Variants in SGSM3 observed in about 807,000 individuals in gnomAD.
The protein encoded by SGSM3 is RUN and SH3 containing 3.
SGSM3 carries 96 observed loss-of-function variants against 100.5 expected under a neutral mutation model. The ratio of observed to expected loss-of-function variants is 0.96; its 90% CI spans 0.81 to 1.13. SGSM3 has a LOEUF of 1.13. Ranked by LOEUF, SGSM3 falls within the 50% of genes most tolerant of loss-of-function variation. The pLI is 0.00. For missense variants in SGSM3, 1,001 were observed against 1,015.8 expected, an observed-to-expected ratio of 0.99 and a Z score of 0.20; for synonymous variants, 483 against 422.8, an observed-to-expected ratio of 1.14 and a Z score of -1.75.
chr22:40,400,909 A>G (rs1292301373), intron 2 of SGSM3, 96 bp downstream of exon 2: 1 of 1,217,938 alleles, frequency 8.2e-7, no homozygotes, highest in African/African-American at 1.6e-5. Flanking sequence ...AACACCATCC[A>G]GATAAGAGAG....
rs950293197 is a variant in SGSM3 at position 40,401,672 on chromosome 22, G to A, written c.87G>A (p.Thr29=). 9.9e-6 allele frequency: 16 copies of A among 1,611,858 alleles called. No homozygotes were observed. The highest frequency in any genetic ancestry group is 2.2e-5 in the South Asian group (2 of 91,050). The change falls in exon 3 of 22, where the codon ACG becomes ACA. Residue 29 remains threonine, a synonymous_variant. Transcript: ENST00000248929. ...CCCAGGAGATCTTGGCCAAGTACACGCAGGTATAGCAGTTAGCCAGGCACC... is the reference window on the plus strand; with the variant it reads ...CCCAGGAGATCTTGGCCAAGTACACACAGGTATAGCAGTTAGCCAGGCACC... ...IWPQEILAKY[T]QKEESAEQPE... is the part of the protein sequence containing the mutation.
At chr22:40,409,418 G>A in intron 20 of SGSM3, 46 bp downstream of exon 20, 1 of 1,570,554 alleles carries the variant, frequency 6.4e-7, no homozygotes, top group Non-Finnish European at 8.7e-7. Flanking sequence ...GGTGGGAAGG[G>A]CTAGCTGGGG....
In SGSM3 at chr22:40,404,383, C is replaced by T. The variant is rs767049313; in HGVS notation, c.294C>T (p.Ala98=). ...DVGDLTWDKI[A]VSLPRSEKLR... is the part of the protein sequence containing the mutation. ...GGGATCTCACCTGGGACAAGATTGC[C>T]GTCTCCCTACCCCGCTCTGAGAAGC... is the stretch of plus-strand genomic sequence containing the variant. Residue 98 remains alanine (A), a synonymous_variant, in exon 5 of 22, where the codon GCC becomes GCT. Transcript: ENST00000248929. 4.3e-5 allele frequency: 69 copies of T among 1,608,338 alleles called. No individual in the cohort carries two copies. Among genetic ancestry groups the T allele is most frequent in the Middle Eastern group, 1.7e-4 (1 of 6,058 alleles).
intron 18 of SGSM3, 40 bp from the exon 19 acceptor site, chr22:40,408,893 G>A: frequency 6.2e-7 from 1 of 1,613,946 alleles, no homozygotes; most frequent in African/African-American, 1.3e-5. Context: ...GGGTTAGCCT[G>A]TGGGGGAGCC....
At chr22:40,390,542 G>A (rs1373862372) in intron 1 of SGSM3, 1 of 152,180 alleles carries the variant, frequency 6.6e-6, no homozygotes, top group African/African-American at 2.4e-5. Flanking sequence ...TTGTATATAG[G>A]TCATTTTGCT....
Position 40,410,014 on chromosome 22 carries a change from C to T in SGSM3, c.*255C>T. ...AAACCTTGTGAGGAGGTGGGGGAGCCATGTCTGTGCTCAGGAAGAGGGAAG... is the reference window on the plus strand; with the variant it reads ...AAACCTTGTGAGGAGGTGGGGGAGCTATGTCTGTGCTCAGGAAGAGGGAAG... On this transcript the variant is annotated 3_prime_UTR_variant, in exon 22 of 22. Transcript: ENST00000248929. The T allele has an allele frequency of 7.5e-7, 1 of 1,329,260 alleles. No individual in the cohort carries two copies. The highest frequency in any genetic ancestry group is 2.2e-5 in the South Asian group (1 of 46,138). The allele number at this position is 1,329,260 out of a possible 1,614,324, so 82.3% of individuals were successfully genotyped here. A position where few individuals can be genotyped will look rare whatever the true frequency, so the allele number is the denominator to read the frequency against.
intron 1 of SGSM3, among the ~76,000 whole-genome samples, chr22:40,382,707 C>T (rs986705026): frequency 7.2e-5 from 11 of 152,178 alleles, no homozygotes; most frequent in East Asian, 1.9e-4. Context: ...GGAGAAGTTT[C>T]GTCACATTTG....
intron 1 of SGSM3, among the ~76,000 whole-genome samples, chr22:40,370,967 C>T (rs1162743585): frequency 6.6e-6 from 1 of 152,228 alleles, no homozygotes; most frequent in Non-Finnish European, 1.5e-5. Context: ...GTGTTCGGGG[C>T]GCCAGCCGGA....
At chr22:40,382,021 C>T (rs2047655669) in intron 1 of SGSM3, among the ~76,000 whole-genome samples, 1 of 152,024 alleles carries the variant, frequency 6.6e-6, no homozygotes, top group Non-Finnish European at 1.5e-5. Context: ...ATAAAAGCTC[C>T]ACAGAGACAG....
rs765553269 is a variant in SGSM3 at position 40,408,322 on chromosome 22, C to T, written c.1675C>T (p.Leu559Phe). 6.2e-7 allele frequency: 1 copy of T among 1,613,572 alleles called. No homozygotes were observed. ...CTCGGTGACGGAGGGGGTCACAGAC[C>T]TCGTGCGAGGGACCCTCTGCCCGGC... is the stretch of plus-strand genomic sequence containing the variant. Reference protein sequence around the residue: ...DDSVTEGVTDLVRGTLCPALK... With the variant: ...DDSVTEGVTDFVRGTLCPALK... Residue 559 changes from leucine to phenylalanine, a missense_variant, in exon 16 of 22, where the codon CTC becomes TTC. Coordinates refer to ENST00000248929, the MANE Select transcript of SGSM3 (RefSeq NM_015705.6).
chr22:40,408,967 T>TGCATGCACAAATGGATGTGAAGCTCCG lies in SGSM3; in HGVS notation c.1938_1964dup (p.His647_Arg655dup). The stretch of plus-strand genomic sequence containing the variant: ...TCTGTGAACGTGACCCACGATGCAG[T>TGCATGCACAAATGGATGTGAAGCTCCG]GCATGCACAAATGGATGTGAAGCTC... On this transcript the variant is annotated inframe_insertion, in exon 19 of 22. Coordinates refer to ENST00000248929, the MANE Select transcript of SGSM3 (RefSeq NM_015705.6). 1 of 1,601,324 alleles carries TGCATGCACAAATGGATGTGAAGCTCCG rather than the reference T, an allele frequency of 6.2e-7. No homozygotes were observed. The highest frequency in any genetic ancestry group is 8.5e-7 in the Non-Finnish European group (1 of 1,173,840).
chr22:40,399,777 G>T (rs1476993714), intron 1 of SGSM3, among the ~76,000 whole-genome samples: 1 of 152,216 alleles, frequency 6.6e-6, no homozygotes, highest in East Asian at 1.9e-4. Flanking sequence ...TGGGGAAGCA[G>T]GTTCTGCCAT....
At chr22:40,406,880 C>G in intron 10 of SGSM3, 137 bp from the exon 11 acceptor site, 1 of 1,008,920 alleles carries the variant, frequency 9.9e-7, no homozygotes, top group Non-Finnish European at 1.5e-6. Context: ...GGAAGGCAGA[C>G]CCAGCTCTGA....
chr22:40,407,921 C>A lies in SGSM3; in HGVS notation c.1579+78C>A. The A allele has an allele frequency of 6.7e-7, 1 of 1,498,486 alleles. No homozygotes were observed. Among genetic ancestry groups the A allele is most frequent in the Non-Finnish European group, 9.1e-7 (1 of 1,095,556 alleles). The allele number at this position is 1,498,486 out of a possible 1,614,324, so 92.8% of individuals were successfully genotyped here. On this transcript the variant is annotated intron_variant, in intron 14 of 21. Transcript: ENST00000248929. This position sits in a 1 kb window ranked among gnomAD's most constrained non-coding sequence, Gnocchi z 4.7. ...AGAAGACTTGGGTGACCCTGGCCGC[C>A]ACCAAGCTGTTCTCCTCTATACACC...
intron 7 of SGSM3, 23 bp from the exon 8 acceptor site, chr22:40,405,626 C>G: frequency 6.2e-7 from 1 of 1,604,722 alleles, no homozygotes; most frequent in Non-Finnish European, 8.5e-7. Context: ...GGTAGAAGGC[C>G]CTTGTCCCTG....
intron 1 of SGSM3, among the ~76,000 whole-genome samples, chr22:40,370,986 C>T (rs2045327644): frequency 1.3e-5 from 2 of 152,220 alleles, no homozygotes; most frequent in Admixed American, 1.3e-4. Flanking sequence ...GAATCCACCG[C>T]GCTGGCAGCC....
At chr22:40,400,910 G>C in intron 2 of SGSM3, 97 bp downstream of exon 2, 1 of 1,202,278 alleles carries the variant, frequency 8.3e-7, no homozygotes, top group Non-Finnish European at 1.1e-6. Flanking sequence ...ACACCATCCA[G>C]ATAAGAGAGG....
At chr22:40,396,366 T>C (rs2050040567) in intron 1 of SGSM3, among the ~76,000 whole-genome samples, 1 of 151,852 alleles carries the variant, frequency 6.6e-6, no homozygotes, top group African/African-American at 2.4e-5. Context: ...CCGAGGCGGG[T>C]GGCTCACTTG....
At position 40,407,590 on chromosome 22, in the gene SGSM3, C is replaced by T. The variant is rs769287445; in HGVS notation, c.1524+22C>T. 6.3e-7 allele frequency: 1 copy of T among 1,598,958 alleles called. No individual in the cohort carries two copies. Among genetic ancestry groups the T allele is most frequent in the African/African-American group, 1.3e-5 (1 of 74,876 alleles). On this transcript the variant is annotated intron_variant, in intron 13 of 21. Coordinates refer to ENST00000248929, the MANE Select transcript of SGSM3 (RefSeq NM_015705.6). The surrounding 1 kb of genome is among the most constrained non-coding windows in gnomAD (Gnocchi z 4.7). ...CACAGTGCGTGGGGGCGCTGGACTA[C>T]CAGGTCCTCAGGCTGTGGCGGGTTC... is the stretch of plus-strand genomic sequence containing the variant.
Sources: allele counts gnomAD v4.1 joint callset (sites outside exome capture counted in the v4.1 genomes callset), GRCh38; gene constraint gnomAD v4.1.1; non-coding constraint Gnocchi (gnomAD v3.1); transcripts MANE v1.5; gene names NCBI Gene and HGNC (gene_info 2026-07-23, HGNC 2026-07-21).